NHSL1: variants seen among roughly 807,000 people sequenced by gnomAD.
NHSL1 encodes NHS like 1.
In NHSL1, 48 loss-of-function variants were observed where a neutral mutation model predicts 95.0. The ratio of observed to expected loss-of-function variants is 0.51; its 90% CI spans 0.40 to 0.64. The LOEUF (loss-of-function observed/expected upper bound fraction) is 0.64, where lower values mean the gene tolerates loss of function less well. Among genes scored for constraint, NHSL1 ranks in the 30% least tolerant of loss-of-function variants. The pLI, the probability that NHSL1 is intolerant of heterozygous loss-of-function variation, is 0.00. For missense variants in NHSL1, 1,971 were observed against 2,077.7 expected (o/e 0.95, Z 1.00); for synonymous variants, 783 against 833.9 (o/e 0.94, Z 1.05).
chr6:138,521,339 AC>A (rs1432989631), intron 1 of NHSL1, among the ~76,000 whole-genome samples: 4 of 152,242 alleles, frequency 2.6e-5, no homozygotes, highest in Middle Eastern at 3.4e-3. Context: ...GATTGTGCAC[AC>A]CTGTGGTCTC....
At chr6:138,693,017 C>T (rs1350749600), upstream of NHSL1, among the ~76,000 whole-genome samples, 6 of 151,138 alleles carry the variant, frequency 4.0e-5, no homozygotes, top group Non-Finnish European at 8.9e-5. The surrounding 1 kb of genome is among the most constrained non-coding windows in gnomAD (Gnocchi z 4.3). Context: ...CGCCCGGCGG[C>T]GTTCCTCCAC....
At chr6:138,677,039 A>C (rs1785458161) in intron 1 of NHSL1, among the ~76,000 whole-genome samples, 1 of 152,248 alleles carries the variant, frequency 6.6e-6, no homozygotes, top group Non-Finnish European at 1.5e-5. Context: ...CAGCTAACTG[A>C]TGGACAGGTT....
upstream of NHSL1, among the ~76,000 whole-genome samples, chr6:138,548,299 AACAGAGATG>A (rs529931191): frequency 2.0e-5 from 3 of 152,154 alleles, no homozygotes; most frequent in Non-Finnish European, 2.9e-5. Context: ...AGCCTTTTTA[AACAGAGATG>A]ACTTTATATG....
intron 1 of NHSL1, among the ~76,000 whole-genome samples, chr6:138,570,697 TA>T (rs1783807223): frequency 6.6e-6 from 1 of 152,248 alleles, no homozygotes; most frequent in Admixed American, 6.5e-5. Flanking sequence ...AGCACATATT[TA>T]ACTTAGTTGA....
At chr6:138,637,328 G>T (rs1583460815) in intron 1 of NHSL1, among the ~76,000 whole-genome samples, 1 of 152,058 alleles carries the variant, frequency 6.6e-6, no homozygotes, top group Admixed American at 6.5e-5. Context: ...CCAGAACATT[G>T]GTCTGAGCAA....
Position 138,692,207 on chromosome 6 carries a change from G to A in NHSL1, c.96+269C>T, listed in dbSNP as rs965861374. 5 of 456,596 alleles carry A rather than the reference G, an allele frequency of 1.1e-5. No homozygotes were observed. Among genetic ancestry groups the A allele is most frequent in the African/African-American group, 1.0e-4 (5 of 50,078 alleles). The allele number at this position is 456,596 out of a possible 1,614,324, so 28.3% of individuals were successfully genotyped here. A position where few individuals can be genotyped will look rare whatever the true frequency, so the allele number is the denominator to read the frequency against. On this transcript the variant is annotated intron_variant, in intron 1 of 3. Transcript: ENST00000491526. This position sits in a 1 kb window ranked among gnomAD's most constrained non-coding sequence, Gnocchi z 4.0. ...AGACAGACACAGACAGACAGAAGGA[G>A]CAGACAAGGGGACTGTCCAATTCCC...
chr6:138,693,003 C>T (rs998936450), upstream of NHSL1, among the ~76,000 whole-genome samples: 3 of 151,096 alleles, frequency 2.0e-5, no homozygotes, highest in African/African-American at 4.9e-5. This position sits in a 1 kb window ranked among gnomAD's most constrained non-coding sequence, Gnocchi z 4.3. Context: ...CCGTGGCTGC[C>T]TGGCGCCCGG....
chr6:138,583,524 T>C (rs1358706802), intron 1 of NHSL1, among the ~76,000 whole-genome samples: 1 of 152,098 alleles, frequency 6.6e-6, no homozygotes, highest in Non-Finnish European at 1.5e-5. Flanking sequence ...GATGCTGCGC[T>C]TCACCCGTCA....
Position 138,628,143 on chromosome 6 carries a change from T to A in NHSL1, c.96+64333A>T, listed in dbSNP as rs868239773. 4.8e-5 allele frequency among the ~76,000 whole-genome samples: 7 copies of A among 146,338 alleles called. 1 individual carries two copies. The highest frequency in any genetic ancestry group is 6.9e-3 in the Middle Eastern group (2 of 288). On this transcript the variant is annotated intron_variant, in intron 1 of 3. Coordinates refer to the NHSL1 transcript ENST00000491526. ...GCCTGACCAATGTGGAGAAACCCCA[T>A]CTCTACTAAAAATACAAAATTAGCC...
At chr6:138,656,378 A>T (rs1420187566) in intron 1 of NHSL1, among the ~76,000 whole-genome samples, 1 of 152,206 alleles carries the variant, frequency 6.6e-6, no homozygotes, top group Admixed American at 6.5e-5. Flanking sequence ...GTGCCTCGGT[A>T]TGGGAAACTT....
intron 1 of NHSL1, among the ~76,000 whole-genome samples, chr6:138,584,858 T>C (rs902455644): frequency 1.3e-5 from 2 of 152,162 alleles, no homozygotes; most frequent in African/African-American, 4.8e-5. Flanking sequence ...GAGATTCTCC[T>C]TCCTAATCGT....
At chr6:138,631,929 T>A (rs2114661185) in intron 1 of NHSL1, among the ~76,000 whole-genome samples, 1 of 152,210 alleles carries the variant, frequency 6.6e-6, no homozygotes, top group Admixed American at 6.5e-5. Flanking sequence ...GGGTCCCCGA[T>A]TCTAGAACTT....
chr6:138,491,785 G>A (rs955237815), intron 2 of NHSL1, among the ~76,000 whole-genome samples: 8 of 152,192 alleles, frequency 5.3e-5, no homozygotes, highest in Middle Eastern at 3.4e-3. Context: ...AAATGTTTCC[G>A]ATTTGGGTTT....
chr6:138,554,526 T>G (rs1168486197), intron 1 of NHSL1, among the ~76,000 whole-genome samples: 2 of 152,240 alleles, frequency 1.3e-5, no homozygotes, highest in Admixed American at 6.5e-5. Context: ...AGAGCGTAAC[T>G]GGACTATAAT....
intron 1 of NHSL1, among the ~76,000 whole-genome samples, chr6:138,592,913 C>T (rs1347436731): frequency 1.3e-5 from 2 of 152,208 alleles, no homozygotes; most frequent in African/African-American, 4.8e-5. Flanking sequence ...ATGCCACAGC[C>T]ACAGGAAGTC....
At chr6:138,517,268 G>A (rs1781496492) in intron 1 of NHSL1, among the ~76,000 whole-genome samples, 1 of 152,122 alleles carries the variant, frequency 6.6e-6, no homozygotes, top group African/African-American at 2.4e-5. Flanking sequence ...GGAGAATTCT[G>A]GATGAATATT....
chr6:138,562,204 T>C (rs1783437007), intron 1 of NHSL1, among the ~76,000 whole-genome samples: 1 of 152,186 alleles, frequency 6.6e-6, no homozygotes, highest in African/African-American at 2.4e-5. Flanking sequence ...ATAAATATAA[T>C]CTTTAATTAG....
At chr6:138,605,104 A>G (rs1292105337) in intron 1 of NHSL1, among the ~76,000 whole-genome samples, 1 of 152,244 alleles carries the variant, frequency 6.6e-6, no homozygotes. Flanking sequence ...TCCCAACAGT[A>G]ACATCTTACA....
At chr6:138,514,250 G>A (rs536742151) in intron 1 of NHSL1, among the ~76,000 whole-genome samples, 138 of 152,190 alleles carry the variant, frequency 9.1e-4, no homozygotes, top group African/African-American at 3.2e-3. Context: ...CCCGGGAGGA[G>A]GGGGTTGCAG....
Sources: allele counts gnomAD v4.1 joint callset (sites outside exome capture counted in the v4.1 genomes callset), GRCh38; gene constraint gnomAD v4.1.1; non-coding constraint Gnocchi (gnomAD v3.1); transcripts MANE v1.5; gene names NCBI Gene and HGNC (gene_info 2026-07-23, HGNC 2026-07-21).